Variants in SBF2 observed in about 807,000 individuals in gnomAD.
SBF2 encodes myotubularin-related protein 13.
Under a neutral mutation model 225.2 loss-of-function variants are expected in SBF2, and 112 were observed. The observed-to-expected ratio is 0.50, with a 90% CI of 0.43 to 0.58. The LOEUF (loss-of-function observed/expected upper bound fraction) is 0.58, where lower values mean the gene tolerates loss of function less well. Among genes scored for constraint, SBF2 ranks in the 20% least tolerant of loss-of-function variants. The probability of loss-of-function intolerance (pLI) is 0.00; values close to 1 mark genes in which losing one functional copy is unlikely to be tolerated. For synonymous variants in SBF2, 763 were observed against 773.3 expected (o/e 0.99, Z 0.22); for missense variants, 1,996 against 2,206.2 (o/e 0.90, Z 1.91).
At chr11:10,144,862 C>A (rs577843178) in intron 2 of SBF2, among the ~76,000 whole-genome samples, 1 of 152,332 alleles carries the variant, frequency 6.6e-6, no homozygotes, top group African/African-American at 2.4e-5. Flanking sequence ...TAACATCCTT[C>A]CAAATCCAAA....
intron 1 of SBF2, among the ~76,000 whole-genome samples, chr11:10,278,607 C>T (rs966971576): frequency 6.6e-6 from 1 of 151,872 alleles, no homozygotes; most frequent in Non-Finnish European, 1.5e-5. Flanking sequence ...ATGGTGAAAC[C>T]CTGTCTCTAC....
chr11:9,856,501 G>A lies in SBF2; in HGVS notation c.2320C>T (p.Pro774Ser). 1 of 1,614,156 alleles carries A rather than the reference G, an allele frequency of 6.2e-7. No homozygotes were observed. The change falls in exon 19 of 40, where the codon CCA (proline) becomes TCA (serine). Residue 774 changes from proline to serine, a missense_variant. Coordinates refer to ENST00000256190, the MANE Select transcript of SBF2 (RefSeq NM_030962.4). ...SKNKLLRTSA[P>S]GDWESGSNSI... is the part of the protein sequence containing the mutation. Reference sequence around the variant, plus strand: ...TTGCTTCCGCTCTCCCAGTCACCTGGCGCTGATGTTCTTAGGAGCTTGTTT... The same window carrying A: ...TTGCTTCCGCTCTCCCAGTCACCTGACGCTGATGTTCTTAGGAGCTTGTTT...
At chr11:10,004,338 T>C (rs558825258) in intron 6 of SBF2, among the ~76,000 whole-genome samples, 1 of 152,140 alleles carries the variant, frequency 6.6e-6, no homozygotes, top group East Asian at 1.9e-4. Flanking sequence ...CACTAAGGTT[T>C]TGGTACACTT....
intron 16 of SBF2, among the ~76,000 whole-genome samples, chr11:9,938,763 C>A (rs1478871453): frequency 1.3e-5 from 2 of 151,848 alleles, no homozygotes; most frequent in African/African-American, 4.8e-5. Flanking sequence ...CAATAAGAAT[C>A]TTGCAAGAAA....
chr11:9,781,432 G>A, intron 39 of SBF2, 75 bp downstream of exon 39: 1 of 1,589,550 alleles, frequency 6.3e-7, no homozygotes, highest in Non-Finnish European at 8.6e-7. Context: ...ATTACTCTGA[G>A]GGCTCCATCA....
Position 10,090,764 on chromosome 11 carries a change from C to CAAAAAAAAAAAAAAA in SBF2, c.142-47798_142-47784dup, listed in dbSNP as rs201577494. 5.4e-4 allele frequency among the ~76,000 whole-genome samples: 24 copies of CAAAAAAAAAAAAAAA among 44,408 alleles called. 1 individual carries two copies. Among genetic ancestry groups the CAAAAAAAAAAAAAAA allele is most frequent in the Non-Finnish European group, 6.6e-4 (15 of 22,824 alleles). 29.1% of individuals were successfully genotyped at this position (44,408 alleles called of 152,430 possible). On this transcript the variant is annotated intron_variant, in intron 2 of 39. Coordinates refer to ENST00000256190, the MANE Select transcript of SBF2 (RefSeq NM_030962.4). ...TGGGAGTCAGAGCAAGATTCCATCT[C>CAAAAAAAAAAAAAAA]AAAAAAAAAAAAAAAAAAAAAGCTA...
chr11:10,091,824 G>A (rs1028193639), intron 2 of SBF2, among the ~76,000 whole-genome samples: 1 of 152,168 alleles, frequency 6.6e-6, no homozygotes, highest in African/African-American at 2.4e-5. Flanking sequence ...AGCACGAACT[G>A]ATCTAAAACC....
At chr11:10,091,128 A>T (rs1050498752) in intron 2 of SBF2, among the ~76,000 whole-genome samples, 2 of 152,046 alleles carry the variant, frequency 1.3e-5, no homozygotes, top group Non-Finnish European at 2.9e-5. Context: ...TACTATCCTC[A>T]CTCTCTGGGA....
At chr11:10,177,740 T>C (rs1956534921) in intron 2 of SBF2, among the ~76,000 whole-genome samples, 1 of 150,798 alleles carries the variant, frequency 6.6e-6, no homozygotes, top group East Asian at 2.0e-4. Flanking sequence ...GTAGGAAGAA[T>C]CAATATTGTG....
intron 1 of SBF2, among the ~76,000 whole-genome samples, chr11:10,282,486 AT>A (rs1296299635): frequency 6.6e-6 from 1 of 152,092 alleles, no homozygotes; most frequent in Non-Finnish European, 1.5e-5. Context: ...CTCTACCTTG[AT>A]TATAGACCAT....
intron 7 of SBF2, 61 bp downstream of exon 7, chr11:10,002,496 T>G: frequency 7.4e-7 from 1 of 1,349,972 alleles, no homozygotes; most frequent in Admixed American, 1.8e-5. Flanking sequence ...ACATTATGAC[T>G]TATCAACGAT....
rs2134070845 is a variant in SBF2, at chr11:9,877,567, C to A, written c.1929+18376G>T. Among the ~76,000 whole-genome samples the A allele has an allele frequency of 1.3e-5, 2 of 152,200 alleles. 1 individual carries two copies. The highest frequency in any genetic ancestry group is 4.8e-5 in the African/African-American group (2 of 41,528). ...CCCCAATCCCCAACCCCCCGACAGG[C>A]CCCAGTGTGTGACGTTCCCTGCCCT... is the stretch of plus-strand genomic sequence containing the variant. On this transcript the variant is annotated intron_variant, in intron 17 of 39. Transcript: ENST00000256190.
chr11:9,835,486 T>C (rs982588598), intron 26 of SBF2, among the ~76,000 whole-genome samples: 1 of 151,634 alleles, frequency 6.6e-6, no homozygotes, highest in East Asian at 1.9e-4. Context: ...AAAAGAAAAT[T>C]AGACAGGTTT....
chr11:9,809,088 CAAA>C (rs1367827181), intron 30 of SBF2, 86 bp from the exon 31 acceptor site: 2 of 961,442 alleles, frequency 2.1e-6, no homozygotes, highest in East Asian at 4.9e-5. Flanking sequence ...CCTGGATAAT[CAAA>C]CGACTTAGGG....
intron 2 of SBF2, among the ~76,000 whole-genome samples, chr11:10,093,562 T>TA (rs768789236): frequency 1.4e-4 from 22 of 152,198 alleles, no homozygotes; most frequent in Admixed American, 7.2e-4. Flanking sequence ...AGTTATCACA[T>TA]ACGATGTACA....
intron 1 of SBF2, among the ~76,000 whole-genome samples, chr11:10,252,053 G>C (rs1380559278): frequency 6.6e-6 from 1 of 152,162 alleles, no homozygotes; most frequent in African/African-American, 2.4e-5. Flanking sequence ...TCAAACTTAA[G>C]ACTTCAAGGA....
intron 17 of SBF2, among the ~76,000 whole-genome samples, chr11:9,861,269 A>T (rs560729216): frequency 2.6e-5 from 4 of 152,294 alleles, no homozygotes; most frequent in African/African-American, 9.6e-5. Context: ...ATCATAGATC[A>T]TTGCAGCCTA....
chr11:9,933,546 C>A lies in SBF2; in HGVS notation c.1860+28411G>T, dbSNP rs191231969. ...AACTACATGGAAACTGAACAAAGTG[C>A]TCCTGAATGACTACTGGGTACATAA... On this transcript the variant is annotated intron_variant, in intron 16 of 39. Coordinates refer to ENST00000256190, the MANE Select transcript of SBF2 (RefSeq NM_030962.4). Among the ~76,000 whole-genome samples, 3 of 152,284 alleles carry A rather than the reference C, an allele frequency of 2.0e-5. No individual in the cohort carries two copies. The East Asian group carries it at 5.8e-4, about 29-fold the overall frequency.
chr11:9,943,114 G>A (rs959005555), intron 16 of SBF2, among the ~76,000 whole-genome samples: 1 of 152,088 alleles, frequency 6.6e-6, no homozygotes, highest in Non-Finnish European at 1.5e-5. Flanking sequence ...TAAAAAAGGG[G>A]TTATTGCAAA....
Sources: gnomAD v4.1 joint callset for allele counts (sites outside exome capture counted in the v4.1 genomes callset) on GRCh38, gnomAD v4.1.1 for gene constraint, MANE v1.5 for transcripts, NCBI Gene and HGNC (gene_info 2026-07-23, HGNC 2026-07-21) for gene names.